The following CMSS1 variants were observed in gnomAD, a reference collection of about 807,000 sequenced individuals.
The protein encoded by CMSS1 is cms1 ribosomal small subunit homolog, also known as protein CMSS1.
Under a neutral mutation model 43.5 loss-of-function variants are expected in CMSS1, and 33 were observed. That is an observed-to-expected ratio of 0.76 (90% CI 0.57 to 1.01). The LOEUF (loss-of-function observed/expected upper bound fraction) is 1.01. CMSS1 is among the 50% of genes least tolerant of loss of function. The pLI is 0.00. For synonymous variants in CMSS1, 115 were observed against 117.2 expected, an observed-to-expected ratio of 0.98 and a Z score of 0.12; for missense variants, 313 against 326.4, an observed-to-expected ratio of 0.96 and a Z score of 0.32.
intron 1 of CMSS1, among the ~76,000 whole-genome samples, chr3:99,888,767 T>G (rs1705990846): frequency 6.6e-6 from 1 of 152,188 alleles, no homozygotes; most frequent in African/African-American, 2.4e-5. Context: ...TCTATAACCA[T>G]CTTTGTTGAT....
intron 1 of CMSS1, among the ~76,000 whole-genome samples, chr3:100,045,203 A>T (rs980534710): frequency 1.3e-5 from 2 of 152,238 alleles, no homozygotes; most frequent in Admixed American, 6.5e-5. Context: ...TAGTTGTTGC[A>T]TCTATAACTT....
At chr3:100,068,731 G>A (rs186308432) in intron 1 of CMSS1, among the ~76,000 whole-genome samples, 121 of 152,250 alleles carry the variant, frequency 7.9e-4, no homozygotes, top group Admixed American at 1.8e-3. Context: ...AGGTTCAAGC[G>A]ATTTTCCTGC....
intron 1 of CMSS1, among the ~76,000 whole-genome samples, chr3:100,061,965 C>G (rs2065574194): frequency 6.6e-6 from 1 of 152,050 alleles, no homozygotes; most frequent in South Asian, 2.1e-4. Flanking sequence ...TGTTATGCAA[C>G]CAAGACTACT....
chr3:100,125,457 C>T (rs1366224044), intron 1 of CMSS1, among the ~76,000 whole-genome samples: 7 of 152,186 alleles, frequency 4.6e-5, no homozygotes, highest in Admixed American at 3.9e-4. Context: ...CTGTCCCAAG[C>T]CCACCCTTGG....
rs117342047 is a variant in CMSS1 at position 100,154,658 on chromosome 3, A to T, written c.154-5772A>T. ...TAAATTTTTTTATTTTTACCAACCT[A>T]ATAATCATACATATATTTTTAAAAA... is the stretch of plus-strand genomic sequence containing the variant. On this transcript the variant is annotated intron_variant, in intron 2 of 9. Transcript: ENST00000421999. Among the ~76,000 whole-genome samples the T allele has an allele frequency of 1.4e-4, 21 of 152,326 alleles. No homozygotes were observed. In the East Asian group the frequency reaches 4.0e-3, roughly 29 times the overall value.
chr3:99,958,150 G>A (rs549512015), intron 1 of CMSS1, among the ~76,000 whole-genome samples: 11 of 149,140 alleles, frequency 7.4e-5, no homozygotes, highest in African/African-American at 1.7e-4. Flanking sequence ...AATCTGTGCC[G>A]TGGTGGTTTG....
rs143146133 is a variant in CMSS1 at position 99,850,184 on chromosome 3, C to T, written c.64+32141C>T. 3 of 1,611,350 alleles carry T rather than the reference C, an allele frequency of 1.9e-6. No individual in the cohort carries two copies. The African/African-American group carries it at 4.0e-5, about 22-fold the overall frequency. On this transcript the variant is annotated intron_variant, in intron 1 of 9. Transcript: ENST00000421999. ...GTTTTCCGTTCATCTACAAACATCA[C>T]AGTTAATGTTTTCAGTTTAGTTAAA...
At chr3:100,032,714 G>A (rs1178341877) in intron 1 of CMSS1, among the ~76,000 whole-genome samples, 4 of 152,062 alleles carry the variant, frequency 2.6e-5, no homozygotes, top group Non-Finnish European at 4.4e-5. Context: ...TAATTTATGG[G>A]CAGTTGAATA....
At chr3:99,911,522 G>A (rs1380464026) in intron 1 of CMSS1, among the ~76,000 whole-genome samples, 1 of 151,876 alleles carries the variant, frequency 6.6e-6, no homozygotes, top group African/African-American at 2.4e-5. Context: ...CAAGGTTGTG[G>A]CATACAGGGT....
chr3:99,963,094 G>T (rs1248038752), intron 1 of CMSS1, among the ~76,000 whole-genome samples: 1 of 152,328 alleles, frequency 6.6e-6, no homozygotes, highest in South Asian at 2.1e-4. Flanking sequence ...GTCAAAGAGG[G>T]TTTAGCCTGC....
chr3:99,918,990 T>G (rs1018447707), intron 1 of CMSS1, among the ~76,000 whole-genome samples: 21 of 152,210 alleles, frequency 1.4e-4, no homozygotes, highest in African/African-American at 5.1e-4. Context: ...GTACAATGTA[T>G]TCTACAACAA....
At chr3:99,865,908 A>T (rs1944489175) in intron 1 of CMSS1, among the ~76,000 whole-genome samples, 1 of 152,074 alleles carries the variant, frequency 6.6e-6, no homozygotes, top group Non-Finnish European at 1.5e-5. Flanking sequence ...TTCTTTAGAA[A>T]ATCATTCCAA....
intron 1 of CMSS1, chr3:99,924,246 C>T: frequency 6.2e-7 from 1 of 1,613,686 alleles, no homozygotes; most frequent in South Asian, 1.1e-5. Context: ...CATTCCTGTT[C>T]TAGTAGGCAT....
chr3:99,884,106 T>TAA (rs1705819259), intron 1 of CMSS1, among the ~76,000 whole-genome samples: 1 of 152,198 alleles, frequency 6.6e-6, no homozygotes, highest in African/African-American at 2.4e-5. Flanking sequence ...GCAGCCCTTA[T>TAA]AGTTCATGGA....
intron 1 of CMSS1, among the ~76,000 whole-genome samples, chr3:99,832,123 A>T (rs898884779): frequency 1.3e-5 from 2 of 152,150 alleles, no homozygotes; most frequent in African/African-American, 4.8e-5. Context: ...ATTGATGTGC[A>T]AGCTTTTGTT....
intron 1 of CMSS1, among the ~76,000 whole-genome samples, chr3:100,144,331 C>T (rs560287148): frequency 1.8e-4 from 28 of 152,270 alleles, no homozygotes; most frequent in African/African-American, 6.5e-4. Flanking sequence ...CATAACTGTC[C>T]ACTAGGCTTC....
At chr3:100,012,809 G>C (rs1474736915) in intron 1 of CMSS1, among the ~76,000 whole-genome samples, 2 of 119,254 alleles carry the variant, frequency 1.7e-5, no homozygotes, top group East Asian at 4.6e-4. Context: ...TTTTCTCTCT[G>C]TTGCCAAGGC....
chr3:99,819,987 T>C (rs1273797050), intron 1 of CMSS1, among the ~76,000 whole-genome samples: 1 of 151,634 alleles, frequency 6.6e-6, no homozygotes, highest in African/African-American at 2.4e-5. Context: ...TCTCTTGACC[T>C]CGTGATCTGC....
intron 1 of CMSS1, among the ~76,000 whole-genome samples, chr3:100,115,591 C>G (rs1379298027): frequency 1.1e-4 from 6 of 53,440 alleles, no homozygotes; most frequent in Admixed American, 6.0e-4. Flanking sequence ...CTCTCTCTCT[C>G]TCTCTCTCTC....
Sources: gnomAD v4.1 joint callset for allele counts (sites outside exome capture counted in the v4.1 genomes callset) on GRCh38, gnomAD v4.1.1 for gene constraint, MANE v1.5 for transcripts, NCBI Gene and HGNC (gene_info 2026-07-23, HGNC 2026-07-21) for gene names.